Variants in MESD observed in about 807,000 individuals in gnomAD.
MESD encodes LRP chaperone MESD.
A neutral mutation model predicts 12.9 loss-of-function variants in MESD; 7 were observed. The ratio of observed to expected loss-of-function variants is 0.54; its 90% CI spans 0.31 to 1.02. MESD has a LOEUF of 1.02. Ranked by LOEUF, MESD falls within the 50% of genes least tolerant of loss-of-function variation. The pLI is 0.05. For missense variants in MESD, 342 were observed against 296.7 expected, an observed-to-expected ratio of 1.15 and a Z score of -1.12; for synonymous variants, 126 against 115.6, an observed-to-expected ratio of 1.09 and a Z score of -0.58.
chr15:80,978,475 T>G lies in MESD; in HGVS notation c.*744A>C, dbSNP rs12546. The G allele has an allele frequency of 0.055, 8,412 of 152,294 alleles. 282 individuals carry two copies. Among genetic ancestry groups the G allele is most frequent in the Middle Eastern group, 0.18 (52 of 294 alleles). The allele number at this position is 152,294 out of a possible 1,614,324, so 9.4% of individuals were successfully genotyped here. ...CTGCAAAGGACTCTGATTCCCTACT[T>G]AAATCCTTTAAAACTGTCACATTAA... On this transcript the variant is annotated 3_prime_UTR_variant, in exon 3 of 3. Coordinates refer to ENST00000261758, the MANE Select transcript of MESD (RefSeq NM_015154.3).
At chr15:80,983,339 T>C (rs1902637139) in intron 1 of MESD, among the ~76,000 whole-genome samples, 1 of 152,228 alleles carries the variant, frequency 6.6e-6, no homozygotes, top group Non-Finnish European at 1.5e-5. Flanking sequence ...ATAGGCATTG[T>C]ACAAAAATAT....
chr15:80,957,257 C>T (rs1363994662), intron 3 of MESD, among the ~76,000 whole-genome samples: 1 of 151,940 alleles, frequency 6.6e-6, no homozygotes, highest in Non-Finnish European at 1.5e-5. Context: ...AGACATCTCC[C>T]TACCACTGCA....
chr15:80,987,769 G>A (rs1045791909), intron 1 of MESD, among the ~76,000 whole-genome samples: 16 of 151,994 alleles, frequency 1.1e-4, no homozygotes, highest in South Asian at 2.1e-4. Context: ...GATTACAGGC[G>A]TGAGCCACTG....
chr15:80,989,337 T>C (rs1893230352), intron 1 of MESD, among the ~76,000 whole-genome samples: 1 of 152,012 alleles, frequency 6.6e-6, no homozygotes, highest in Non-Finnish European at 1.5e-5. Flanking sequence ...TGAAGTGGTT[T>C]GAGAAATGGC....
Position 80,955,502 on chromosome 15 carries a change from A to G in MESD, c.*289-3206T>C, listed in dbSNP as rs546128627. Among the ~76,000 whole-genome samples, 21 of 143,416 alleles carry G rather than the reference A, an allele frequency of 1.5e-4. No homozygotes were observed. In the South Asian group the frequency reaches 1.5e-3, roughly 10 times the overall value. The allele number at this position is 143,416 out of a possible 152,430, so 94.1% of individuals were successfully genotyped here. On this transcript the variant is annotated intron_variant, in intron 3 of 4. Transcript: ENST00000561312. ...GACTCCGTCTCAAAAAAAAAAAAAA[A>G]AAAGAAATGCCCAATCTCAGGCTCT...
chr15:80,961,790 T>G (rs1250940043), intron 3 of MESD, among the ~76,000 whole-genome samples: 1 of 152,188 alleles, frequency 6.6e-6, no homozygotes, highest in Non-Finnish European at 1.5e-5. Flanking sequence ...AAGCAAATGC[T>G]GAGAGATTTT....
In MESD at chr15:80,966,745, A is replaced by T. The variant is rs1002139833; in HGVS notation, c.*288+12186T>A. Among the ~76,000 whole-genome samples, 39 of 152,198 alleles carry T rather than the reference A, an allele frequency of 2.6e-4. 1 individual carries two copies. The highest frequency in any genetic ancestry group is 1.0e-4 in the Non-Finnish European group (7 of 68,028). ...GCTACAAGCACCTTGCATAGTTGCCACTGTACACTGTGGGTGTGTGTATTT... is the reference window on the plus strand; with the variant it reads ...GCTACAAGCACCTTGCATAGTTGCCTCTGTACACTGTGGGTGTGTGTATTT... On this transcript the variant is annotated intron_variant, in intron 3 of 4. Coordinates refer to the MESD transcript ENST00000561312.
At chr15:80,952,746 G>A (rs1901873530) in intron 3 of MESD, among the ~76,000 whole-genome samples, 1 of 152,094 alleles carries the variant, frequency 6.6e-6, no homozygotes, top group African/African-American at 2.4e-5. Context: ...AATATATCTG[G>A]CAGACTAGCT....
At chr15:80,955,832 G>A (rs1489658818) in intron 3 of MESD, among the ~76,000 whole-genome samples, 1 of 151,900 alleles carries the variant, frequency 6.6e-6, no homozygotes, top group African/African-American at 2.4e-5. Context: ...ATGTTGGCCA[G>A]GCTAGTCTTA....
At chr15:80,979,710 T>C (rs544744651) in intron 2 of MESD, among the ~76,000 whole-genome samples, 81 of 152,322 alleles carry the variant, frequency 5.3e-4, no homozygotes, top group African/African-American at 1.9e-3. Flanking sequence ...GGATGTTCCT[T>C]TGTTGTATAA....
At position 80,948,708 on chromosome 15, in the gene MESD, G is replaced by A. The variant is rs1191351123; in HGVS notation, c.*817C>T. The A allele has an allele frequency of 2.1e-4, 336 of 1,570,884 alleles. 2 individuals carry two copies. Among genetic ancestry groups the A allele is most frequent in the Non-Finnish European group, 2.6e-5 (30 of 1,145,538 alleles). On this transcript the variant is annotated 3_prime_UTR_variant, in exon 5 of 5. Coordinates refer to the MESD transcript ENST00000561312. ...GGCTAGGCGGTACCTGGTGGGCGTG[G>A]GGGGCTGGCGATGGGGAGCCATGGA...
chr15:80,956,100 G>T (rs938928718), intron 3 of MESD, among the ~76,000 whole-genome samples: 13 of 152,124 alleles, frequency 8.5e-5, no homozygotes, highest in African/African-American at 2.9e-4. Context: ...TGAGGTGGGA[G>T]GATCACTTGA....
At chr15:80,957,997 G>A (rs866434285) in intron 3 of MESD, among the ~76,000 whole-genome samples, 126 of 151,766 alleles carry the variant, frequency 8.3e-4, no homozygotes, top group African/African-American at 2.9e-3. Context: ...AAATCTCTGG[G>A]TAGCCCCTGG....
In MESD at chr15:80,989,816, A is replaced by C; in HGVS notation, c.-25T>G. On this transcript the variant is annotated 5_prime_UTR_variant, in exon 1 of 3. Transcript: ENST00000261758. Reference sequence around the variant, plus strand: ...TTTTCGCTGCGCCGCGCAGCGCCCTAGACGCGCTTACCCGACCTGCGCGGG... The same window carrying C: ...TTTTCGCTGCGCCGCGCAGCGCCCTCGACGCGCTTACCCGACCTGCGCGGG... 6.5e-7 allele frequency: 1 copy of C among 1,541,588 alleles called. No homozygotes were observed. The highest frequency in any genetic ancestry group is 8.7e-7 in the Non-Finnish European group (1 of 1,149,472).
rs796376568 is a variant in MESD, at chr15:80,960,387, G to A, written c.*289-8091C>T. Among the ~76,000 whole-genome samples the A allele has an allele frequency of 3.2e-4, 47 of 145,314 alleles. 1 individual carries two copies. Among genetic ancestry groups the A allele is most frequent in the African/African-American group, 1.0e-3 (39 of 38,496 alleles). ...GTTTAAAAAAAAAAAAAAAAAGCAC[G>A]GAGAAAAAAAAAAACTCTTTCCCAG... On this transcript the variant is annotated intron_variant, in intron 3 of 4. Coordinates refer to the MESD transcript ENST00000561312.
chr15:80,989,720 TAGCAGC>T lies in MESD; in HGVS notation c.66_71del (p.Leu25_Leu26del), dbSNP rs376961994. ...CGCAGGACCCAGGCGGTGGTAGCAG[TAGCAGC>T]AGCAGCAGCAGGTCAGAGGCACAAA... On this transcript the variant is annotated inframe_deletion, in exon 1 of 3. Transcript: ENST00000261758. The T allele has an allele frequency of 2.9e-4, 465 of 1,608,276 alleles. No individual in the cohort carries two copies. Among genetic ancestry groups the T allele is most frequent in the Middle Eastern group, 2.6e-3 (16 of 6,056 alleles).
intron 2 of MESD, 84 bp downstream of exon 2, chr15:80,981,866 T>C (rs191042275): frequency 9.8e-7 from 1 of 1,020,188 alleles, no homozygotes. Context: ...AAAAAAATCA[T>C]CATCATCATC....
At chr15:80,948,299 G>T (rs767611991) in exon 5 of MESD, 24 of 234,508 alleles carry the variant, frequency 1.0e-4, no homozygotes, top group Admixed American at 2.5e-4. Context: ...CTAATCTGGG[G>T]TGCACCATTT....
At chr15:80,971,376 T>C (rs1250416742), downstream of MESD, among the ~76,000 whole-genome samples, 1 of 152,194 alleles carries the variant, frequency 6.6e-6, no homozygotes, top group Non-Finnish European at 1.5e-5. Flanking sequence ...TTAGAAACTT[T>C]AGTTGGGCTC....
Sources: gnomAD v4.1 joint callset for allele counts (sites outside exome capture counted in the v4.1 genomes callset) on GRCh38, gnomAD v4.1.1 for gene constraint, MANE v1.5 for transcripts, NCBI Gene and HGNC (gene_info 2026-07-23, HGNC 2026-07-21) for gene names.